MMRN2: variants seen among roughly 807,000 people sequenced by gnomAD.
MMRN2 encodes the protein multimerin-2.
MMRN2 carries 53 observed loss-of-function variants against 68.8 expected under a neutral mutation model. The observed-to-expected ratio is 0.77, with a 90% CI of 0.62 to 0.97. MMRN2 has a LOEUF of 0.97. Ranked by LOEUF, MMRN2 falls within the 50% of genes least tolerant of loss-of-function variation. The pLI is 0.00. For synonymous variants in MMRN2, 564 were observed against 551.6 expected, an observed-to-expected ratio of 1.02 and a Z score of -0.32; for missense variants, 1,266 against 1,259.5, an observed-to-expected ratio of 1.01 and a Z score of -0.08.
Position 86,942,045 on chromosome 10 carries a change from G to A in MMRN2, c.2467+272C>T, listed in dbSNP as rs1024525436. Reference sequence around the variant, plus strand: ...CCTCTCTGTAGCAGGAGCAGTAGGCGGCACTATTGTGCCTGTGGCCTCCAG... The same window carrying A: ...CCTCTCTGTAGCAGGAGCAGTAGGCAGCACTATTGTGCCTGTGGCCTCCAG... On this transcript the variant is annotated intron_variant, in intron 6 of 6. Transcript: ENST00000372027. Among the ~76,000 whole-genome samples, 6 of 152,180 alleles carry A rather than the reference G, an allele frequency of 3.9e-5. No individual in the cohort carries two copies. The East Asian group carries it at 1.2e-3, about 29-fold the overall frequency.
Position 86,953,457 on chromosome 10 carries a change from C to T in MMRN2, c.164+3921G>A, listed in dbSNP as rs538105867. On this transcript the variant is annotated intron_variant, in intron 1 of 6. Coordinates refer to ENST00000372027, the MANE Select transcript of MMRN2 (RefSeq NM_024756.3). ...CTTCACAATTTATGTTCCTCTGCCG[C>T]GGCTCCAGCCTGTCCCTCCGTTCAG... Among the ~76,000 whole-genome samples the T allele has an allele frequency of 1.2e-4, 19 of 152,292 alleles. 1 individual carries two copies. Among genetic ancestry groups the T allele is most frequent in the African/African-American group, 3.1e-4 (13 of 41,544 alleles).
Position 86,943,875 on chromosome 10 carries a change from T to G in MMRN2, c.909A>C (p.Arg303Ser). Residue 303 changes from arginine to serine, a missense_variant, in exon 6 of 7, where the codon AGA becomes AGC. Coordinates refer to ENST00000372027, the MANE Select transcript of MMRN2 (RefSeq NM_024756.3). The surrounding 1 kb of genome is among the most constrained non-coding windows in gnomAD (Gnocchi z 4.2). ...FEAKVQENTQRVGQLRQDVED... is the reference protein window; with the variant it reads ...FEAKVQENTQSVGQLRQDVED... ...CCACGTCCTGTCGCAGCTGACCCAC[T>G]CTCTGAGTGTTCTCCTGGACCTTGG... The G allele has an allele frequency of 6.2e-7, 1 of 1,613,930 alleles. No individual in the cohort carries two copies. Among genetic ancestry groups the G allele is most frequent in the Non-Finnish European group, 8.5e-7 (1 of 1,180,024 alleles).
chr10:86,945,798 T>C (rs771859532), intron 1 of MMRN2, 109 bp from the exon 2 acceptor site: 1 of 1,564,746 alleles, frequency 6.4e-7, no homozygotes, highest in Admixed American at 1.8e-5. Flanking sequence ...GCTGGGATTC[T>C]GGAATCCATT....
chr10:86,951,044 C>T (rs898350434), intron 1 of MMRN2, among the ~76,000 whole-genome samples: 7 of 151,800 alleles, frequency 4.6e-5, no homozygotes, highest in Non-Finnish European at 5.9e-5. Flanking sequence ...GCCAAGATCA[C>T]GCCATTGCAC....
intron 1 of MMRN2, among the ~76,000 whole-genome samples, chr10:86,948,506 G>T (rs1317042220): frequency 6.6e-6 from 1 of 152,086 alleles, no homozygotes; most frequent in Non-Finnish European, 1.5e-5. Context: ...TAATGGAAAC[G>T]TTAGAGGGTA....
In MMRN2 at chr10:86,945,640, A is replaced by G. The variant is rs760503574; in HGVS notation, c.214T>C (p.Cys72Arg). ...TGGATGAGGAATTTCTCTGTTTTGC[A>G]AAGAGCTAGTAAGGTGACCAGCTTG... ...MSKLVTLLALCKTEKFLIHSQ... is the reference protein window; with the variant it reads ...MSKLVTLLALRKTEKFLIHSQ... The change falls in exon 2 of 7, where the codon TGC becomes CGC. Residue 72 changes from cysteine (C) to arginine (R), a missense_variant. By Grantham distance (180) the Cys-to-Arg change is radical. Coordinates refer to ENST00000372027, the MANE Select transcript of MMRN2 (RefSeq NM_024756.3). 1 of 1,614,080 alleles carries G rather than the reference A, an allele frequency of 6.2e-7. No homozygotes were observed. Among genetic ancestry groups the G allele is most frequent in the Admixed American group, 1.7e-5 (1 of 60,012 alleles).
Position 86,944,356 on chromosome 10 carries a change from A to C in MMRN2, c.561T>G (p.Asp187Glu), listed in dbSNP as rs1219001084. 6.2e-7 allele frequency: 1 copy of C among 1,613,896 alleles called. No homozygotes were observed. The highest frequency in any genetic ancestry group is 1.3e-5 in the African/African-American group (1 of 74,920). ...QEHLLGDLQN[D>E]VHRVADSLPG... ...GCAGGCTGTCTGCCACCCGGTGCAC[A>C]TCATTCTGGAGATCTCCCAGCAGAT... Residue 187 changes from aspartate (D) to glutamate (E), a missense_variant, in exon 5 of 7, where the codon GAT becomes GAG. Asp to Glu is a conservative substitution (Grantham distance 45). Transcript: ENST00000372027.
chr10:86,949,425 G>A (rs1375790775), intron 1 of MMRN2: 1 of 152,032 alleles, frequency 6.6e-6, no homozygotes, highest in Non-Finnish European at 1.5e-5. Flanking sequence ...AGCCAGGTGT[G>A]GTGGCTTGCA....
At chr10:86,955,107 C>T (rs906268352) in intron 1 of MMRN2, among the ~76,000 whole-genome samples, 9 of 152,198 alleles carry the variant, frequency 5.9e-5, no homozygotes, top group Admixed American at 5.2e-4. Flanking sequence ...TGGGCCTGGG[C>T]TCTCACTGTC....
intron 1 of MMRN2, among the ~76,000 whole-genome samples, chr10:86,948,470 CG>C (rs1844101183): frequency 6.6e-6 from 1 of 151,728 alleles, no homozygotes; most frequent in African/African-American, 2.4e-5. Context: ...AAATTAAAAA[CG>C]TAACAGTAAA....
chr10:86,941,245 G>A (rs1290870006), intron 6 of MMRN2, among the ~76,000 whole-genome samples: 1 of 152,192 alleles, frequency 6.6e-6, no homozygotes. Context: ...GTCCACTGAG[G>A]TGTGTTCCAA....
chr10:86,956,902 C>T (rs1252456425), intron 1 of MMRN2, among the ~76,000 whole-genome samples: 8 of 152,218 alleles, frequency 5.3e-5, no homozygotes, highest in Admixed American at 3.9e-4. Flanking sequence ...TGAGGCAGAG[C>T]GCCCTGGACT....
chr10:86,944,693 C>CA, intron 4 of MMRN2: 1 of 496,500 alleles, frequency 2.0e-6, no homozygotes, highest in Non-Finnish European at 3.5e-6. Context: ...CATGGCCTCA[C>CA]AACTTCATTC....
chr10:86,939,323 A>G (rs527524788), intron 6 of MMRN2, among the ~76,000 whole-genome samples: 2 of 139,774 alleles, frequency 1.4e-5, no homozygotes, highest in Non-Finnish European at 3.1e-5. Flanking sequence ...TTAGCTGGGC[A>G]TGGTGGCAGG....
Position 86,942,369 on chromosome 10 carries a change from T to A in MMRN2, c.2415A>T (p.Ile805=). 1 of 1,614,118 alleles carries A rather than the reference T, an allele frequency of 6.2e-7. No individual in the cohort carries two copies. Among genetic ancestry groups the A allele is most frequent in the South Asian group, 1.1e-5 (1 of 91,062 alleles). Residue 805 remains isoleucine (I), a synonymous_variant, in exon 6 of 7, where the codon ATA becomes ATT. Transcript: ENST00000372027. ...CACCTGGCACAGGCCCTGTGACCCG[T>A]ATGTCCACCAAAGGCTCCGCTTCCT... is the stretch of plus-strand genomic sequence containing the variant. ...DKKEAEPLVD[I]RVTGPVPGAL... is the part of the protein sequence containing the mutation.
chr10:86,937,809 A>T (rs1311257347), intron 6 of MMRN2, among the ~76,000 whole-genome samples: 3 of 152,180 alleles, frequency 2.0e-5, no homozygotes, highest in Non-Finnish European at 4.4e-5. Context: ...CCTCAAGGTA[A>T]TAATAATGCT....
At position 86,942,807 on chromosome 10, in the gene MMRN2, G is replaced by GGCCAGCTCGTCCCA. The variant is rs1021121736; in HGVS notation, c.1963_1976dup (p.Ala660GlyfsTer8). On this transcript the variant is annotated frameshift_variant, in exon 6 of 7. Transcript: ENST00000372027. LOFTEE classifies it high-confidence loss of function. ...CCTGCTCCAGGGCCGTCACTCGGGCGGCCAGCTCGTCCCAGCCGAGCGCCT... is the reference window on the plus strand; with the variant it reads ...CCTGCTCCAGGGCCGTCACTCGGGCGGCCAGCTCGTCCCAGCCAGCTCGTCCCAGCCGAGCGCCT... 12 of 1,359,802 alleles carry GGCCAGCTCGTCCCA rather than the reference G, an allele frequency of 8.8e-6. No individual in the cohort carries two copies. The Admixed American group carries it at 3.8e-4, about 43-fold the overall frequency. The allele number at this position is 1,359,802 out of a possible 1,614,324, so 84.2% of individuals were successfully genotyped here.
At chr10:86,941,870 CAG>C (rs1843975700) in intron 6 of MMRN2, among the ~76,000 whole-genome samples, 2 of 136,798 alleles carry the variant, frequency 1.5e-5, no homozygotes, top group African/African-American at 5.6e-5. Flanking sequence ...GAAAATGAAA[CAG>C]AACTAAGTGG....
chr10:86,948,152 G>T (rs986652277), intron 1 of MMRN2, among the ~76,000 whole-genome samples: 1 of 149,290 alleles, frequency 6.7e-6, no homozygotes, highest in Non-Finnish European at 1.5e-5. Context: ...CTTGAGCCCA[G>T]AAGTTTGAGG....
Sources: allele counts gnomAD v4.1 joint callset (sites outside exome capture counted in the v4.1 genomes callset), GRCh38; gene constraint gnomAD v4.1.1; non-coding constraint Gnocchi (gnomAD v3.1); transcripts MANE v1.5; gene names NCBI Gene and HGNC (gene_info 2026-07-23, HGNC 2026-07-21).